The following SLIT2 variants were observed in gnomAD, a reference collection of about 807,000 sequenced individuals.
SLIT2 encodes the protein slit guidance ligand 2, also known as slit homolog 2 protein.
A neutral mutation model predicts 185.7 loss-of-function variants in SLIT2; 41 were observed. The ratio of observed to expected loss-of-function variants is 0.22; its 90% CI spans 0.17 to 0.29. SLIT2 has a LOEUF of 0.29. SLIT2 is among the 10% of genes least tolerant of loss of function. SLIT2 has a pLI of 1.00. For synonymous variants in SLIT2, 693 were observed against 680.2 expected, an observed-to-expected ratio of 1.02 and a Z score of -0.29; for missense variants, 1,571 against 1,909.0, an observed-to-expected ratio of 0.82 and a Z score of 3.30.
At chr4:20,513,739 C>G (rs12108401) in intron 11 of SLIT2, among the ~76,000 whole-genome samples, 41,581 of 151,420 alleles carry the variant, frequency 0.27, 6,145 homozygotes, top group African/African-American at 0.39. Flanking sequence ...CTGTGGTTGG[C>G]GGGGGGAAGC....
intron 4 of SLIT2, among the ~76,000 whole-genome samples, chr4:20,325,662 C>G (rs1257398308): frequency 6.6e-6 from 1 of 152,122 alleles, no homozygotes; most frequent in African/African-American, 2.4e-5. Context: ...TTTGCCCTAA[C>G]TTCATCAAAG....
intron 26 of SLIT2, among the ~76,000 whole-genome samples, chr4:20,562,213 TA>T (rs1192069849): frequency 6.6e-6 from 1 of 151,882 alleles, no homozygotes; most frequent in East Asian, 1.9e-4. Flanking sequence ...GGCTTCTTTT[TA>T]CTTATCTTTA....
At chr4:20,583,671 T>C (rs1004274189) in intron 29 of SLIT2, among the ~76,000 whole-genome samples, 2 of 152,020 alleles carry the variant, frequency 1.3e-5, no homozygotes, top group South Asian at 4.2e-4. Flanking sequence ...TAGCTGGGCA[T>C]GGTGGTGCGC....
At chr4:20,283,747 C>G (rs1308953868) in intron 4 of SLIT2, among the ~76,000 whole-genome samples, 1 of 152,102 alleles carries the variant, frequency 6.6e-6, no homozygotes, top group Non-Finnish European at 1.5e-5. Flanking sequence ...TATTTCAAAG[C>G]TTGATATTAA....
At chr4:20,536,402 A>G (rs534443262) in intron 18 of SLIT2, among the ~76,000 whole-genome samples, 2 of 152,228 alleles carry the variant, frequency 1.3e-5, no homozygotes, top group South Asian at 4.1e-4. Context: ...ACTAAAAAAT[A>G]CAAAAATTAG....
chr4:20,424,441 A>G (rs1405891566), intron 4 of SLIT2, among the ~76,000 whole-genome samples: 2 of 152,110 alleles, frequency 1.3e-5, no homozygotes. Flanking sequence ...CTTCAAAAAT[A>G]CCAGGCATGT....
intron 26 of SLIT2, among the ~76,000 whole-genome samples, chr4:20,562,867 A>G (rs1034840730): frequency 2.0e-5 from 3 of 151,752 alleles, no homozygotes; most frequent in Non-Finnish European, 4.4e-5. Flanking sequence ...GGGCAGTGCT[A>G]GAGGATTTTG....
At chr4:20,555,009 C>G (rs925230201) in intron 26 of SLIT2, among the ~76,000 whole-genome samples, 1 of 152,032 alleles carries the variant, frequency 6.6e-6, no homozygotes, top group East Asian at 1.9e-4. Context: ...ACCTCATGAT[C>G]CACACCCCCT....
At chr4:20,339,195 T>G (rs1428274166) in intron 4 of SLIT2, among the ~76,000 whole-genome samples, 1 of 152,032 alleles carries the variant, frequency 6.6e-6, no homozygotes, top group Non-Finnish European at 1.5e-5. Context: ...TTTCTAGTAT[T>G]GAAAAGGTAA....
At chr4:20,378,394 A>G (rs1303612358) in intron 4 of SLIT2, among the ~76,000 whole-genome samples, 1 of 152,180 alleles carries the variant, frequency 6.6e-6, no homozygotes, top group Non-Finnish European at 1.5e-5. Context: ...GTGCTTTACT[A>G]GTAAATGACT....
At chr4:20,380,244 A>G (rs1010850480) in intron 4 of SLIT2, among the ~76,000 whole-genome samples, 1 of 152,218 alleles carries the variant, frequency 6.6e-6, no homozygotes, top group Non-Finnish European at 1.5e-5. Flanking sequence ...GACTTCCCTT[A>G]ACAAATCTTA....
At chr4:20,265,304 C>T (rs775835996) in intron 3 of SLIT2, among the ~76,000 whole-genome samples, 2 of 151,822 alleles carry the variant, frequency 1.3e-5, no homozygotes, top group Non-Finnish European at 2.9e-5. Context: ...ATTGCACAGG[C>T]GGCTATCCTT....
rs1725154673 is a variant in SLIT2, at chr4:20,567,142, C to T, written c.2726-120C>T. On this transcript the variant is annotated intron_variant, in intron 26 of 36. Coordinates refer to ENST00000504154, the MANE Select transcript of SLIT2 (RefSeq NM_004787.4). ...TCTGGCTTGTCATGGATGAGAGACA[C>T]ATATAGATATGTGACCAATAATAAT... is the stretch of plus-strand genomic sequence containing the variant. 3 of 899,178 alleles carry T rather than the reference C, an allele frequency of 3.3e-6. No homozygotes were observed. In the Admixed American group the frequency reaches 7.0e-5, roughly 21 times the overall value. The allele number at this position is 899,178 out of a possible 1,614,324, so 55.7% of individuals were successfully genotyped here.
chr4:20,588,352 T>C (rs1484825846), intron 29 of SLIT2, among the ~76,000 whole-genome samples: 1 of 152,218 alleles, frequency 6.6e-6, no homozygotes, highest in Non-Finnish European at 1.5e-5. Context: ...ATATGCCACA[T>C]TTAGTTGTCA....
intron 9 of SLIT2, 98 bp downstream of exon 9, chr4:20,491,997 T>C: frequency 8.7e-7 from 1 of 1,149,046 alleles, no homozygotes; most frequent in Non-Finnish European, 1.3e-6. Flanking sequence ...GCACATCTGA[T>C]CAATTGGCTT....
intron 5 of SLIT2, among the ~76,000 whole-genome samples, chr4:20,476,019 C>T (rs1716071422): frequency 6.6e-6 from 1 of 152,118 alleles, no homozygotes; most frequent in African/African-American, 2.4e-5. Flanking sequence ...TGGTCCATAC[C>T]TTAATTGCTT....
chr4:20,421,158 T>G (rs1265746460), intron 4 of SLIT2, among the ~76,000 whole-genome samples: 5 of 152,198 alleles, frequency 3.3e-5, no homozygotes, highest in African/African-American at 1.2e-4. Flanking sequence ...GACCTTCAGT[T>G]TCCTAAATTT....
At chr4:20,507,664 A>C (rs1200718612) in intron 9 of SLIT2, among the ~76,000 whole-genome samples, 1 of 151,674 alleles carries the variant, frequency 6.6e-6, no homozygotes, top group African/African-American at 2.4e-5. Flanking sequence ...TATAGGGTGA[A>C]TGAATGAATT....
chr4:20,389,489 T>C (rs1210987290), intron 4 of SLIT2, among the ~76,000 whole-genome samples: 3 of 152,004 alleles, frequency 2.0e-5, no homozygotes, highest in African/African-American at 7.2e-5. Flanking sequence ...CCAGCTAATG[T>C]ATAATGGGAC....
Sources: gnomAD v4.1 joint callset for allele counts (sites outside exome capture counted in the v4.1 genomes callset) on GRCh38, gnomAD v4.1.1 for gene constraint, MANE v1.5 for transcripts, NCBI Gene and HGNC (gene_info 2026-07-23, HGNC 2026-07-21) for gene names.